The following FLNC variants were observed in gnomAD, a reference collection of about 807,000 sequenced individuals.
FLNC encodes filamin C.
FLNC carries 91 observed loss-of-function variants against 254.3 expected under a neutral mutation model. The ratio of observed to expected loss-of-function variants is 0.36; its 90% confidence interval spans 0.30 to 0.43. The LOEUF is 0.43. Ranked by LOEUF, FLNC falls within the 20% of genes least tolerant of loss-of-function variation. The probability of loss-of-function intolerance (pLI) is 1.00; values close to 1 mark genes in which losing one functional copy is unlikely to be tolerated. For missense variants in FLNC, 2,853 were observed against 3,802.6 expected, an observed-to-expected ratio of 0.75 and a Z score of 6.57; for synonymous variants, 1,430 against 1,577.2, an observed-to-expected ratio of 0.91 and a Z score of 2.21.
At chr7:128,853,357 C>A in intron 37 of FLNC, 112 bp from the exon 38 acceptor site, 3 of 1,365,278 alleles carry the variant, frequency 2.2e-6, no homozygotes, top group South Asian at 1.2e-5. Context: ...TGTTAGTGGT[C>A]ACTACACACA....
rs1276769736 is a variant in FLNC, at chr7:128,835,704, G to T, written c.601+130G>T. On this transcript the variant is annotated intron_variant, in intron 2 of 47. Transcript: ENST00000325888. The surrounding 1 kb of genome is among the most constrained non-coding windows in gnomAD (Gnocchi z 5.3). Reference sequence around the variant, plus strand: ...CCTGGGGGCCAGGATCCCCTGCAGGGTTTGTCCTCCTCCAGCTGTGGCTCT... The same window carrying T: ...CCTGGGGGCCAGGATCCCCTGCAGGTTTTGTCCTCCTCCAGCTGTGGCTCT... The T allele has an allele frequency of 3.8e-6, 4 of 1,042,268 alleles. No individual in the cohort carries two copies. Among genetic ancestry groups the T allele is most frequent in the African/African-American group, 3.2e-5 (2 of 63,440 alleles). 64.6% of individuals were successfully genotyped at this position (1,042,268 alleles called of 1,614,324 possible). A position where few individuals can be genotyped will look rare whatever the true frequency, so the allele number is the denominator to read the frequency against.
rs779871907 is a variant in FLNC, at chr7:128,856,729, A to C, written c.7385-16A>C. On this transcript the variant is annotated splice_polypyrimidine_tract_variant and intron_variant, in intron 44 of 47. Transcript: ENST00000325888. This position sits in a 1 kb window ranked among gnomAD's most constrained non-coding sequence, Gnocchi z 5.9. ...GGGGAAGGATGGAGGCTAAGCCACC[A>C]ACCCTTTATCCACAGACAAGCACAC... 1.9e-6 allele frequency: 3 copies of C among 1,614,092 alleles called. No homozygotes were observed.
intron 1 of FLNC, among the ~76,000 whole-genome samples, chr7:128,833,096 C>T (rs573520336): frequency 6.6e-6 from 1 of 152,280 alleles, no homozygotes; most frequent in African/African-American, 2.4e-5. Context: ...GGGCACTGAG[C>T]CCAGGTTAAA....
chr7:128,838,879 G>C (rs184713094), intron 8 of FLNC, 76 bp downstream of exon 8: 1 of 1,428,788 alleles, frequency 7.0e-7, no homozygotes, highest in East Asian at 2.3e-5. Flanking sequence ...GGAAGAGCTG[G>C]GGCGGGGGTC....
chr7:128,832,641 C>T (rs1807940045), intron 1 of FLNC, among the ~76,000 whole-genome samples: 1 of 152,214 alleles, frequency 6.6e-6, no homozygotes, highest in Admixed American at 6.5e-5. Context: ...GAGGGGCTGG[C>T]TCAGAGCAGA....
Position 128,837,728 on chromosome 7 carries a change from C to T in FLNC, c.942C>T (p.Ile314=), listed in dbSNP as rs746121984. The part of the protein sequence containing the change: ...DAGVGEVLVY[I]EDPEGHTEEA... Reference sequence around the variant, plus strand: ...GCGTGGGCGAGGTGCTGGTCTACATCGAGGACCCTGAAGGCCACACCGAGG... The same window carrying T: ...GCGTGGGCGAGGTGCTGGTCTACATTGAGGACCCTGAAGGCCACACCGAGG... The change falls in exon 5 of 48, where the codon ATC becomes ATT. Residue 314 remains isoleucine (I), a synonymous_variant. Coordinates refer to ENST00000325888, the MANE Select transcript of FLNC (RefSeq NM_001458.5). 2.1e-5 allele frequency: 33 copies of T among 1,594,286 alleles called. No individual in the cohort carries two copies. The highest frequency in any genetic ancestry group is 1.1e-4 in the African/African-American group (8 of 74,438).
In FLNC at chr7:128,858,761, C is replaced by A; in HGVS notation, c.*238C>A. 1 of 567,418 alleles carries A rather than the reference C, an allele frequency of 1.8e-6. No individual in the cohort carries two copies. The highest frequency in any genetic ancestry group is 3.2e-6 in the Non-Finnish European group (1 of 315,070). 35.1% of individuals were successfully genotyped at this position (567,418 alleles called of 1,614,324 possible). On this transcript the variant is annotated 3_prime_UTR_variant, in exon 48 of 48. Coordinates refer to ENST00000325888, the MANE Select transcript of FLNC (RefSeq NM_001458.5). This position sits in a 1 kb window ranked among gnomAD's most constrained non-coding sequence, Gnocchi z 6.7. Reference sequence around the variant, plus strand: ...CCTGGGAATGTGACATGAGGGCCGACTGGGGCCAGGCTCAGGGGCAGAGGC... The same window carrying A: ...CCTGGGAATGTGACATGAGGGCCGAATGGGGCCAGGCTCAGGGGCAGAGGC...
Position 128,844,804 on chromosome 7 carries a change from T to C in FLNC, c.3339T>C (p.Gly1113=), listed in dbSNP as rs756592172. 1 of 1,614,100 alleles carries C rather than the reference T, an allele frequency of 6.2e-7. No individual in the cohort carries two copies. The highest frequency in any genetic ancestry group is 8.5e-7 in the Non-Finnish European group (1 of 1,180,026). ...CCAAGATCGAGTGCCAGGACAATGG[T>C]GATGGCTCATGTGCTGTCAGCTACC... ...CEAKIECQDN[G]DGSCAVSYLP... is the part of the protein sequence containing the mutation. The change falls in exon 21 of 48, where the codon GGT becomes GGC. Residue 1113 remains glycine, a synonymous_variant. Transcript: ENST00000325888.
In FLNC at chr7:128,849,528, A is replaced by T. The variant is rs1385385453; in HGVS notation, c.5149A>T (p.Thr1717Ser). ...TAPEPGKYVITIRFGGEHIPN... is the reference protein window; with the variant it reads ...TAPEPGKYVISIRFGGEHIPN... ...GCCCGAGCCGGGCAAGTACGTCATC[A>T]CCATCCGCTTCGGGGGTGAGCACAT... Residue 1717 changes from threonine to serine, a missense_variant, in exon 30 of 48, where the codon ACC becomes TCC. By Grantham distance (58) the Thr-to-Ser change is moderately conservative (BLOSUM62 1). Around this residue, in one of 10 missense-constraint regions of FLNC, gnomAD observed 258 missense variants for 312.3 expected, o/e 0.83. Coordinates refer to ENST00000325888, the MANE Select transcript of FLNC (RefSeq NM_001458.5). 1 of 1,614,128 alleles carries T rather than the reference A, an allele frequency of 6.2e-7. No individual in the cohort carries two copies. The highest frequency in any genetic ancestry group is 1.7e-5 in the Admixed American group (1 of 60,026).
chr7:128,853,622 G>C lies in FLNC; in HGVS notation c.6361+1G>C. Reference sequence around the variant, plus strand: ...AAGTTTGCTGACAAGCACGTGCCTGGTAAGGCTCTGGGCAGAGGTCGGTGG... The same window carrying C: ...AAGTTTGCTGACAAGCACGTGCCTGCTAAGGCTCTGGGCAGAGGTCGGTGG... On this transcript the variant is annotated splice_donor_variant, in intron 38 of 47. Coordinates refer to ENST00000325888, the MANE Select transcript of FLNC (RefSeq NM_001458.5). LOFTEE classifies it high-confidence loss of function. The C allele has an allele frequency of 1.2e-6, 2 of 1,614,170 alleles. No individual in the cohort carries two copies. Among genetic ancestry groups the C allele is most frequent in the Non-Finnish European group, 1.7e-6 (2 of 1,180,040 alleles).
rs989420630 is a variant in FLNC at position 128,830,601 on chromosome 7, G to A, written c.-37G>A. The A allele has an allele frequency of 7.5e-6, 12 of 1,594,614 alleles. No individual in the cohort carries two copies. The highest frequency in any genetic ancestry group is 3.3e-4 in the Middle Eastern group (2 of 6,054). On this transcript the variant is annotated 5_prime_UTR_variant, in exon 1 of 48. Transcript: ENST00000325888. ...GACAGCCCCCGATAGCCCAAACCGC[G>A]GCCCTAGCCCCGGCCGCACCCCCAG...
Position 128,836,301 on chromosome 7 carries a change from C to T in FLNC, c.601+727C>T, listed in dbSNP as rs1019026503. Among the ~76,000 whole-genome samples the T allele has an allele frequency of 1.3e-5, 2 of 152,202 alleles. No individual in the cohort carries two copies. The highest frequency in any genetic ancestry group is 2.9e-5 in the Non-Finnish European group (2 of 68,026). On this transcript the variant is annotated intron_variant, in intron 2 of 47. Coordinates refer to ENST00000325888, the MANE Select transcript of FLNC (RefSeq NM_001458.5). This position sits in a 1 kb window ranked among gnomAD's most constrained non-coding sequence, Gnocchi z 6.0. The stretch of plus-strand genomic sequence containing the variant: ...ACAGCCCCTCGGGAGAATCCTCCTC[C>T]ACCCTGGGGTCAGCCGGGGAGCAGA...
At position 128,845,114 on chromosome 7, in the gene FLNC, A is replaced by T. The variant is rs759597112; in HGVS notation, c.3649A>T (p.Ser1217Cys). 45 of 1,613,598 alleles carry T rather than the reference A, an allele frequency of 2.8e-5. No individual in the cohort carries two copies. The highest frequency in any genetic ancestry group is 8.3e-5 in the Admixed American group (5 of 59,922). Residue 1217 changes from serine (S) to cysteine (C), a missense_variant, in exon 21 of 48, where the codon AGC becomes TGC. Transcript: ENST00000325888. ...NADGTYHITY[S>C]PAFPGTYTIT... ...GGATGGCACCTACCACATCACCTAC[A>T]GCCCTGCCTTCCCTGGCACCTACAC...
intron 37 of FLNC, 68 bp from the exon 38 acceptor site, chr7:128,853,401 G>T: frequency 6.3e-7 from 1 of 1,593,928 alleles, no homozygotes. Flanking sequence ...CTGCAGTCTG[G>T]GGAGAGGAAA....
chr7:128,853,962 T>G lies in FLNC; in HGVS notation c.6485-12T>G, dbSNP rs1247873896. On this transcript the variant is annotated splice_polypyrimidine_tract_variant and intron_variant, in intron 39 of 47. Coordinates refer to ENST00000325888, the MANE Select transcript of FLNC (RefSeq NM_001458.5). Reference sequence around the variant, plus strand: ...GCTTCCCTCCCTCACCCTGGCTCCCTTGACCACACAGGAAACTGGTTCCAG... The same window carrying G: ...GCTTCCCTCCCTCACCCTGGCTCCCGTGACCACACAGGAAACTGGTTCCAG... 2 of 1,613,216 alleles carry G rather than the reference T, an allele frequency of 1.2e-6. No homozygotes were observed. The highest frequency in any genetic ancestry group is 2.7e-5 in the African/African-American group (2 of 74,938).
chr7:128,845,291 G>T (rs1274981129), intron 21 of FLNC, 36 bp downstream of exon 21: 1 of 1,547,508 alleles, frequency 6.5e-7, no homozygotes, highest in South Asian at 1.1e-5. Flanking sequence ...AGGTCAAGTG[G>T]CAGGTGCAGG....
rs1585147469 is a variant in FLNC, at chr7:128,830,545, C to T, written c.-93C>T. The T allele has an allele frequency of 3.9e-6, 4 of 1,033,014 alleles. No homozygotes were observed. In the East Asian group the frequency reaches 1.0e-4, roughly 27 times the overall value. The allele number at this position is 1,033,014 out of a possible 1,614,324, so 64.0% of individuals were successfully genotyped here. A position where few individuals can be genotyped will look rare whatever the true frequency, so the allele number is the denominator to read the frequency against. On this transcript the variant is annotated 5_prime_UTR_variant, in exon 1 of 48. Transcript: ENST00000325888. ...TGGAGAGGAGAGCAGCGCAGCGCAG[C>T]GAGTCCCGTGGTCGCGCCCCAACAG...
chr7:128,845,921 G>C, intron 21 of FLNC, 69 bp from the exon 22 acceptor site: 1 of 1,389,436 alleles, frequency 7.2e-7, no homozygotes, highest in African/African-American at 1.4e-5. Context: ...AAAGGAGGGG[G>C]AGAGGAGAGG....
At chr7:128,837,860 C>A in intron 5 of FLNC, 105 bp downstream of exon 5, 1 of 1,363,062 alleles carries the variant, frequency 7.3e-7, no homozygotes, top group Non-Finnish European at 1.0e-6. Flanking sequence ...GAGCCACACA[C>A]TGTGCTGTGC....
Sources: gnomAD v4.1 joint callset for allele counts (sites outside exome capture counted in the v4.1 genomes callset) on GRCh38, gnomAD v4.1.1 for gene constraint, gnomAD v4.1.1 regional missense constraint, Gnocchi (gnomAD v3.1) non-coding constraint, MANE v1.5 for transcripts, NCBI Gene and HGNC (gene_info 2026-07-23, HGNC 2026-07-21) for gene names.